The following KCNA2 variants were observed in gnomAD, a reference collection of about 807,000 sequenced individuals.
KCNA2 encodes the protein potassium channel, voltage gated shaker related subfamily A, member 2.
A neutral mutation model predicts 33.4 loss-of-function variants in KCNA2; 11 were observed. The observed-to-expected ratio is 0.33, with a 90% CI of 0.21 to 0.55. The LOEUF is 0.55. KCNA2 is among the 20% of genes least tolerant of loss of function. KCNA2 has a pLI of 0.93. For missense variants in KCNA2, 291 were observed against 621.6 expected, an observed-to-expected ratio of 0.47 and a Z score of 5.66; for synonymous variants, 222 against 231.3, an observed-to-expected ratio of 0.96 and a Z score of 0.37.
chr1:110,626,546 T>A (rs1174427851), intron 1 of KCNA2, among the ~76,000 whole-genome samples: 1 of 152,190 alleles, frequency 6.6e-6, no homozygotes, highest in Non-Finnish European at 1.5e-5. Context: ...GTACCTTTTA[T>A]AATTTATTAT....
intron 1 of KCNA2, among the ~76,000 whole-genome samples, chr1:110,612,366 T>A (rs186153582): frequency 5.9e-5 from 9 of 152,196 alleles, no homozygotes; most frequent in Non-Finnish European, 1.3e-4. Context: ...GTACAGCATG[T>A]TACTGTGCTG....
chr1:110,603,762 G>A lies in KCNA2; in HGVS notation c.1021C>T (p.Leu341Phe). Reference protein sequence around the residue: ...LIFFLFIGVILFSSAVYFAEA... With the variant: ...LIFFLFIGVIFFSSAVYFAEA... The stretch of plus-strand genomic sequence containing the variant: ...GCAAAATACACAGCACTAGAGAAAA[G>A]GATGACCCCTATGAAGAGAAAGAAT... Residue 341 changes from leucine to phenylalanine, a missense_variant, in exon 3 of 3, where the codon CTT (leucine) becomes TTT (phenylalanine). Around this residue, in one of 5 missense-constraint regions of KCNA2, gnomAD observed 43 missense variants for 159.4 expected, o/e 0.27. Transcript: ENST00000316361. This position sits in a 1 kb window ranked among gnomAD's most constrained non-coding sequence, Gnocchi z 5.7. The A allele has an allele frequency of 6.2e-7, 1 of 1,613,882 alleles. No individual in the cohort carries two copies. Among genetic ancestry groups the A allele is most frequent in the Non-Finnish European group, 8.5e-7 (1 of 1,180,020 alleles).
At position 110,601,987 on chromosome 1, in the gene KCNA2, G is replaced by C. The variant is rs1398529417; in HGVS notation, c.*1296C>G. ...TAGCTAGGTAGAGGAACGCGTGAAA[G>C]AGAGATACTCGATATATATTTATAT... On this transcript the variant is annotated 3_prime_UTR_variant, in exon 3 of 3. Coordinates refer to ENST00000316361, the MANE Select transcript of KCNA2 (RefSeq NM_004974.4). 20 of 1,533,360 alleles carry C rather than the reference G, an allele frequency of 1.3e-5. No individual in the cohort carries two copies. The highest frequency in any genetic ancestry group is 1.7e-5 in the Non-Finnish European group (19 of 1,135,124). The allele number at this position is 1,533,360 out of a possible 1,614,324, so 95.0% of individuals were successfully genotyped here. A position where few individuals can be genotyped will look rare whatever the true frequency, so the allele number is the denominator to read the frequency against.
Position 110,599,625 on chromosome 1 carries a change from C to T in KCNA2, c.*3658G>A, listed in dbSNP as rs1186310639. The T allele has an allele frequency of 5.1e-6, 5 of 985,290 alleles. No homozygotes were observed. In the African/African-American group the frequency reaches 7.0e-5, roughly 14 times the overall value. 61.0% of individuals were successfully genotyped at this position (985,290 alleles called of 1,614,324 possible). ...CTCTATAGGGTCTCAACTTCCTGAC[C>T]GTGCCCCCAACAAAGCTGCAAAGGA... On this transcript the variant is annotated 3_prime_UTR_variant, in exon 3 of 3. Coordinates refer to ENST00000316361, the MANE Select transcript of KCNA2 (RefSeq NM_004974.4).
rs759220639 is a variant in KCNA2, at chr1:110,603,874, C to T, written c.909G>A (p.Arg303=). 4 of 1,614,134 alleles carry T rather than the reference C, an allele frequency of 2.5e-6. No individual in the cohort carries two copies. In the South Asian group the frequency reaches 3.3e-5, roughly 13 times the overall value. The part of the protein sequence containing the change: ...LRVIRLVRVF[R]IFKLSRHSKG... ...TGGAGTGTCTGGACAACTTGAAAAT[C>T]CTAAAGACTCTTACCAACCGGATGA... The change falls in exon 3 of 3, where the codon AGG becomes AGA. Residue 303 remains arginine (R), a synonymous_variant. Transcript: ENST00000316361. The surrounding 1 kb of genome is among the most constrained non-coding windows in gnomAD (Gnocchi z 5.7).
At chr1:110,609,776 C>T (rs572019665), upstream of KCNA2, among the ~76,000 whole-genome samples, 1 of 152,290 alleles carries the variant, frequency 6.6e-6, no homozygotes, top group Admixed American at 6.5e-5. Context: ...AGGGCTTCTG[C>T]CCTGAAAAGT....
At position 110,602,178 on chromosome 1, in the gene KCNA2, G is replaced by T. The variant is rs1202051838; in HGVS notation, c.*1105C>A. On this transcript the variant is annotated 3_prime_UTR_variant, in exon 3 of 3. Coordinates refer to ENST00000316361, the MANE Select transcript of KCNA2 (RefSeq NM_004974.4). ...TTGCAGAGGTCTGCGTTCCTGTTTA[G>T]AAGAACAGGGATAGGTAGGCTGGGG... The T allele has an allele frequency of 6.5e-7, 1 of 1,550,198 alleles. No individual in the cohort carries two copies. The highest frequency in any genetic ancestry group is 1.4e-5 in the African/African-American group (1 of 72,998).
intron 1 of KCNA2, among the ~76,000 whole-genome samples, chr1:110,631,163 G>A (rs1650548676): frequency 6.6e-6 from 1 of 152,146 alleles, no homozygotes. Flanking sequence ...TACCTGGAGT[G>A]CCTTCCTTTA....
chr1:110,620,587 C>A (rs1389642423), intron 1 of KCNA2, among the ~76,000 whole-genome samples: 2 of 152,100 alleles, frequency 1.3e-5, no homozygotes, highest in Non-Finnish European at 2.9e-5. Flanking sequence ...TTGGTCTAGG[C>A]AGGGCATGAA....
At chr1:110,605,827 T>C (rs992224784) in intron 1 of KCNA2, 105 bp from the exon 2 acceptor site, 5 of 152,292 alleles carry the variant, frequency 3.3e-5, no homozygotes, top group Non-Finnish European at 7.3e-5. Context: ...CAGGCCCCCA[T>C]GCCCATCCTC....
chr1:110,607,391 C>T (rs1390843258), upstream of KCNA2: 3 of 150,542 alleles, frequency 2.0e-5, no homozygotes, highest in Admixed American at 2.0e-4. Flanking sequence ...TACGGAGCTC[C>T]CGGCCGCCGC....
Position 110,602,258 on chromosome 1 carries a change from G to A in KCNA2, c.*1025C>T. 6.6e-7 allele frequency: 1 copy of A among 1,524,986 alleles called. No homozygotes were observed. The highest frequency in any genetic ancestry group is 2.5e-5 in the East Asian group (1 of 40,700). The allele number at this position is 1,524,986 out of a possible 1,614,324, so 94.5% of individuals were successfully genotyped here. ...GTCTATTTTTTTTCCCCTGATGGAG[G>A]GATTTTTGCCTTCTGATGGGAAAAA... is the stretch of plus-strand genomic sequence containing the variant. On this transcript the variant is annotated 3_prime_UTR_variant, in exon 3 of 3. Transcript: ENST00000316361.
chr1:110,616,717 C>A (rs1650078503), intron 1 of KCNA2, among the ~76,000 whole-genome samples: 2 of 152,204 alleles, frequency 1.3e-5, no homozygotes, highest in Non-Finnish European at 1.5e-5. Flanking sequence ...AGCCACATAG[C>A]CAGCAGCTGG....
At position 110,601,026 on chromosome 1, in the gene KCNA2, G is replaced by C. The variant is rs1202671280; in HGVS notation, c.*2257C>G. 2.0e-6 allele frequency: 2 copies of C among 985,424 alleles called. No individual in the cohort carries two copies. Among genetic ancestry groups the C allele is most frequent in the Non-Finnish European group, 2.4e-6 (2 of 830,020 alleles). The allele number at this position is 985,424 out of a possible 1,614,324, so 61.0% of individuals were successfully genotyped here. A position where few individuals can be genotyped will look rare whatever the true frequency, so the allele number is the denominator to read the frequency against. On this transcript the variant is annotated 3_prime_UTR_variant, in exon 3 of 3. Coordinates refer to ENST00000316361, the MANE Select transcript of KCNA2 (RefSeq NM_004974.4). Reference sequence around the variant, plus strand: ...AAAAGGCAAAGACGCCCAGTCTGGTGAGTTAAAAGCCCCCTACCTGAAGCC... The same window carrying C: ...AAAAGGCAAAGACGCCCAGTCTGGTCAGTTAAAAGCCCCCTACCTGAAGCC...
At chr1:110,608,041 G>C (rs1418277647), upstream of KCNA2, 1 of 152,468 alleles carries the variant, frequency 6.6e-6, no homozygotes, top group East Asian at 1.9e-4. Context: ...CAGGGCCCGG[G>C]CAGGGAAGGC....
In KCNA2 at chr1:110,627,767, T is replaced by C. The variant is rs527634696; in HGVS notation, c.-496+3628A>G. ...AACCCTTGAGCCCAGAAGTTCGAGATTGCAGTGAGCCACGATCCCACCACT... is the reference window on the plus strand; with the variant it reads ...AACCCTTGAGCCCAGAAGTTCGAGACTGCAGTGAGCCACGATCCCACCACT... On this transcript the variant is annotated intron_variant, in intron 1 of 4. Coordinates refer to the KCNA2 transcript ENST00000369770. 5.3e-5 allele frequency among the ~76,000 whole-genome samples: 8 copies of C among 151,862 alleles called. No homozygotes were observed. The East Asian group carries it at 5.8e-4, about 11-fold the overall frequency.
In KCNA2 at chr1:110,602,178, G is replaced by C; in HGVS notation, c.*1105C>G. ...TTGCAGAGGTCTGCGTTCCTGTTTA[G>C]AAGAACAGGGATAGGTAGGCTGGGG... On this transcript the variant is annotated 3_prime_UTR_variant, in exon 3 of 3. Transcript: ENST00000316361. The C allele has an allele frequency of 1.3e-6, 2 of 1,550,314 alleles. No homozygotes were observed. Among genetic ancestry groups the C allele is most frequent in the South Asian group, 2.4e-5 (2 of 84,036 alleles).
In KCNA2 at chr1:110,596,491, AG is replaced by A. The variant is rs1649105125; in HGVS notation, c.*6791del. ...ATGACAGCAAGGGCTCCGATGAGCC[AG>A]GATGTGCCCCAGTGGCCCATTTCCA... On this transcript the variant is annotated 3_prime_UTR_variant, in exon 3 of 3. Coordinates refer to ENST00000316361, the MANE Select transcript of KCNA2 (RefSeq NM_004974.4). The A allele has an allele frequency of 5.7e-6, 1 of 175,746 alleles. No individual in the cohort carries two copies. Among genetic ancestry groups the A allele is most frequent in the Admixed American group, 6.5e-5 (1 of 15,314 alleles). The allele number at this position is 175,746 out of a possible 1,614,324, so 10.9% of individuals were successfully genotyped here. A position where few individuals can be genotyped will look rare whatever the true frequency, so the allele number is the denominator to read the frequency against.
chr1:110,598,105 T>C lies in KCNA2; in HGVS notation c.*5178A>G. 1 of 979,370 alleles carries C rather than the reference T, an allele frequency of 1.0e-6. No homozygotes were observed. The highest frequency in any genetic ancestry group is 1.2e-6 in the Non-Finnish European group (1 of 824,490). The allele number at this position is 979,370 out of a possible 1,614,324, so 60.7% of individuals were successfully genotyped here. A position where few individuals can be genotyped will look rare whatever the true frequency, so the allele number is the denominator to read the frequency against. ...AGGTGACTGATGATGTTAATGAGGT[T>C]AAGGTCATGAGTTCAAACCCGGCAA... On this transcript the variant is annotated 3_prime_UTR_variant, in exon 3 of 3. Coordinates refer to ENST00000316361, the MANE Select transcript of KCNA2 (RefSeq NM_004974.4).
Sources: gnomAD v4.1 joint callset for allele counts (sites outside exome capture counted in the v4.1 genomes callset) on GRCh38, gnomAD v4.1.1 for gene constraint, gnomAD v4.1.1 regional missense constraint, Gnocchi (gnomAD v3.1) non-coding constraint, MANE v1.5 for transcripts, NCBI Gene and HGNC (gene_info 2026-07-23, HGNC 2026-07-21) for gene names.